The following CBR1 variants were observed in gnomAD, a reference collection of about 807,000 sequenced individuals.
The protein encoded by CBR1 is carbonyl reductase [NADPH] 1.
In CBR1, 11 loss-of-function variants were observed where a neutral mutation model predicts 10.6. That is an observed-to-expected ratio of 1.03 (90% CI 0.65 to 1.71). The LOEUF (loss-of-function observed/expected upper bound fraction) is 1.71. Ranked by LOEUF, CBR1 falls within the 40% of genes most tolerant of loss-of-function variation. CBR1 has a pLI of 0.00. For synonymous variants in CBR1, 158 were observed against 156.7 expected (o/e 1.01, Z -0.06); for missense variants, 361 against 368.6 (o/e 0.98, Z 0.17).
At chr21:36,071,524 A>C in intron 2 of CBR1, 1 of 553,884 alleles carries the variant, frequency 1.8e-6, no homozygotes, top group South Asian at 2.3e-5. Flanking sequence ...CTGCCTTTCC[A>C]TCTCTTCCTG....
rs2065362760 is a variant in CBR1 at position 36,072,757 on chromosome 21, G to C, written c.709G>C (p.Gly237Arg). The change falls in exon 3 of 3, where the codon GGA becomes CGA. Residue 237 changes from glycine to arginine, a missense_variant. Physicochemically the swap from Gly to Arg is moderately radical, Grantham distance 125 (BLOSUM62 -2). Coordinates refer to ENST00000290349, the MANE Select transcript of CBR1 (RefSeq NM_001757.4). Reference protein sequence around the residue: ...CPGWVRTDMAGPKATKSPEEG... With the variant: ...CPGWVRTDMARPKATKSPEEG... ...AGGGTGGGTGAGAACTGACATGGCG[G>C]GACCCAAGGCCACCAAGAGCCCAGA... 1 of 1,614,124 alleles carries C rather than the reference G, an allele frequency of 6.2e-7. No homozygotes were observed. Among genetic ancestry groups the C allele is most frequent in the African/African-American group, 1.3e-5 (1 of 75,028 alleles).
chr21:36,072,638 C>T lies in CBR1; in HGVS notation c.590C>T (p.Thr197Met), dbSNP rs201334038. The T allele has an allele frequency of 3.3e-4, 525 of 1,611,030 alleles. No individual in the cohort carries two copies. Among genetic ancestry groups the T allele is most frequent in the Non-Finnish European group, 4.2e-4 (494 of 1,178,318 alleles). Residue 197 changes from threonine to methionine, a missense_variant, in exon 3 of 3, where the codon ACG (threonine) becomes ATG (methionine). Thr to Met is a moderately conservative substitution (Grantham distance 81, BLOSUM62 -1). Coordinates refer to ENST00000290349, the MANE Select transcript of CBR1 (RefSeq NM_001757.4). Reference protein sequence around the residue: ...EGWPSSAYGVTKIGVTVLSRI... With the variant: ...EGWPSSAYGVMKIGVTVLSRI... Reference sequence around the variant, plus strand: ...TGGCCCAGCAGCGCATACGGGGTGACGAAGATTGGCGTCACCGTTCTGTCC... The same window carrying T: ...TGGCCCAGCAGCGCATACGGGGTGATGAAGATTGGCGTCACCGTTCTGTCC...
intron 1 of CBR1, 159 bp downstream of exon 1, chr21:36,070,563 G>A: frequency 1.4e-6 from 1 of 701,870 alleles, no homozygotes; most frequent in South Asian, 2.5e-5. Context: ...CCAGCCAAAG[G>A]GAACTTTGTG....
In CBR1 at chr21:36,073,078, T is replaced by C. The variant is rs2065365987; in HGVS notation, c.*196T>C. ...CGTAAATCTGTCAGGTCTTTTGTGATTTCCTCTGATGCAGGAGAGGAAAAA... is the reference window on the plus strand; with the variant it reads ...CGTAAATCTGTCAGGTCTTTTGTGACTTCCTCTGATGCAGGAGAGGAAAAA... On this transcript the variant is annotated 3_prime_UTR_variant, in exon 3 of 3. Coordinates refer to ENST00000290349, the MANE Select transcript of CBR1 (RefSeq NM_001757.4). The C allele has an allele frequency of 2.2e-6, 1 of 445,958 alleles. No homozygotes were observed. Among genetic ancestry groups the C allele is most frequent in the Non-Finnish European group, 3.9e-6 (1 of 253,312 alleles). 27.6% of individuals were successfully genotyped at this position (445,958 alleles called of 1,614,324 possible).
chr21:36,070,955 G>C lies in CBR1; in HGVS notation c.295G>C (p.Asp99His). The change falls in exon 2 of 3, where the codon GAT (aspartate) becomes CAT (histidine). Residue 99 changes from aspartate (D) to histidine (H), a missense_variant. Coordinates refer to ENST00000290349, the MANE Select transcript of CBR1 (RefSeq NM_001757.4). ...TTCTCTTTCTCTCCTAAAAGTTGCT[G>C]ATCCCACACCCTTTCATATTCAAGC... ...NNAGIAFKVA[D>H]PTPFHIQAEV... The C allele has an allele frequency of 1.2e-6, 2 of 1,605,840 alleles. No homozygotes were observed. Among genetic ancestry groups the C allele is most frequent in the Non-Finnish European group, 1.7e-6 (2 of 1,176,038 alleles).
Position 36,070,282 on chromosome 21 carries a change from G to A in CBR1, c.167G>A (p.Ser56Asn), listed in dbSNP as rs1418542265. The part of the protein sequence containing the change: ...AVQQLQAEGL[S>N]PRFHQLDIDD... ...CAGCAGCTGCAGGCGGAGGGCCTGA[G>A]CCCGCGCTTCCACCAGCTGGACATC... is the stretch of plus-strand genomic sequence containing the variant. The change falls in exon 1 of 3, where the codon AGC becomes AAC. Residue 56 changes from serine (S) to asparagine (N), a missense_variant. Ser to Asn is a conservative substitution (Grantham distance 46). Coordinates refer to ENST00000290349, the MANE Select transcript of CBR1 (RefSeq NM_001757.4). The A allele has an allele frequency of 2.5e-6, 4 of 1,612,430 alleles. No individual in the cohort carries two copies. The African/African-American group carries it at 4.0e-5, about 16-fold the overall frequency.
Position 36,072,723 on chromosome 21 carries a change from C to A in CBR1, c.675C>A (p.Ala225=). 1 of 1,614,142 alleles carries A rather than the reference C, an allele frequency of 6.2e-7. No homozygotes were observed. The highest frequency in any genetic ancestry group is 1.3e-5 in the African/African-American group (1 of 75,040). Residue 225 remains alanine (A), a synonymous_variant, in exon 3 of 3, where the codon GCC becomes GCA. Transcript: ENST00000290349. Reference sequence around the variant, plus strand: ...AAGGGGACAAGATCCTCCTGAATGCCTGCTGCCCAGGGTGGGTGAGAACTG... The same window carrying A: ...AAGGGGACAAGATCCTCCTGAATGCATGCTGCCCAGGGTGGGTGAGAACTG... ...QRKGDKILLN[A]CCPGWVRTDM...
chr21:36,071,110 T>A (rs892296070), intron 2 of CBR1, 53 bp downstream of exon 2: 1 of 1,223,184 alleles, frequency 8.2e-7, no homozygotes, highest in Non-Finnish European at 1.2e-6. Flanking sequence ...ATTTGGCCCC[T>A]GCTTGCCTGG....
chr21:36,070,025 G>C lies in CBR1; in HGVS notation c.-91G>C, dbSNP rs1200966952. ...CACGGGTGCGCGCCCACGACCGCCA[G>C]ACTCGAGCAGTCTCTGGAACACGCT... is the stretch of plus-strand genomic sequence containing the variant. On this transcript the variant is annotated 5_prime_UTR_variant, in exon 1 of 3. Transcript: ENST00000290349. 4 of 1,382,304 alleles carry C rather than the reference G, an allele frequency of 2.9e-6. No homozygotes were observed. Among genetic ancestry groups the C allele is most frequent in the Non-Finnish European group, 1.9e-6 (2 of 1,061,612 alleles). The allele number at this position is 1,382,304 out of a possible 1,614,324, so 85.6% of individuals were successfully genotyped here.
In CBR1 at chr21:36,072,702, G is replaced by A. The variant is rs1429058232; in HGVS notation, c.654G>A (p.Gly218=). The A allele has an allele frequency of 2.0e-5, 33 of 1,613,988 alleles. No individual in the cohort carries two copies. Among genetic ancestry groups the A allele is most frequent in the Non-Finnish European group, 2.8e-5 (33 of 1,180,028 alleles). The change falls in exon 3 of 3, where the codon GGG becomes GGA. Residue 218 remains glycine, a synonymous_variant. Transcript: ENST00000290349. ...HARKLSEQRK[G]DKILLNACCP... Reference sequence around the variant, plus strand: ...GGAAACTGAGTGAGCAGAGGAAAGGGGACAAGATCCTCCTGAATGCCTGCT... The same window carrying A: ...GGAAACTGAGTGAGCAGAGGAAAGGAGACAAGATCCTCCTGAATGCCTGCT...
rs898966309 is a variant in CBR1 at position 36,072,987 on chromosome 21, G to T, written c.*105G>T. 5.3e-6 allele frequency: 4 copies of T among 753,602 alleles called. No homozygotes were observed. The highest frequency in any genetic ancestry group is 8.3e-6 in the Non-Finnish European group (4 of 479,358). The allele number at this position is 753,602 out of a possible 1,614,324, so 46.7% of individuals were successfully genotyped here. Reference sequence around the variant, plus strand: ...AATATCCTTATATAAGAAAAAAAATGATCTCTTATCAATTAGCACTCACTA... The same window carrying T: ...AATATCCTTATATAAGAAAAAAAATTATCTCTTATCAATTAGCACTCACTA... On this transcript the variant is annotated 3_prime_UTR_variant, in exon 3 of 3. Coordinates refer to ENST00000290349, the MANE Select transcript of CBR1 (RefSeq NM_001757.4).
At chr21:36,071,220 C>G in intron 2 of CBR1, 163 bp downstream of exon 2, 1 of 709,302 alleles carries the variant, frequency 1.4e-6, no homozygotes, top group Non-Finnish European at 2.6e-6. Context: ...TGCCTCAGGA[C>G]TTTGTCCTCA....
At position 36,073,106 on chromosome 21, in the gene CBR1, G is replaced by A. The variant is rs1463832618; in HGVS notation, c.*224G>A. On this transcript the variant is annotated 3_prime_UTR_variant, in exon 3 of 3. Coordinates refer to ENST00000290349, the MANE Select transcript of CBR1 (RefSeq NM_001757.4). ...CCTCTGATGCAGGAGAGGAAAAATT[G>A]TAATTGATGAAAATAATGAATGAAA... 1 of 428,648 alleles carries A rather than the reference G, an allele frequency of 2.3e-6. No homozygotes were observed. The highest frequency in any genetic ancestry group is 5.7e-5 in the South Asian group (1 of 17,688). The allele number at this position is 428,648 out of a possible 1,614,324, so 26.6% of individuals were successfully genotyped here.
At position 36,070,249 on chromosome 21, in the gene CBR1, C is replaced by G; in HGVS notation, c.134C>G (p.Ala45Gly). 6.2e-7 allele frequency: 1 copy of G among 1,610,968 alleles called. No individual in the cohort carries two copies. The highest frequency in any genetic ancestry group is 1.1e-5 in the South Asian group (1 of 91,006). Reference protein sequence around the residue: ...LTARDVTRGQAAVQQLQAEGL... With the variant: ...LTARDVTRGQGAVQQLQAEGL... ...GCGCGGGACGTGACGCGGGGCCAGG[C>G]GGCCGTACAGCAGCTGCAGGCGGAG... is the stretch of plus-strand genomic sequence containing the variant. The change falls in exon 1 of 3, where the codon GCG becomes GGG. Residue 45 changes from alanine to glycine, a missense_variant. By Grantham distance (60) the Ala-to-Gly change is moderately conservative. Transcript: ENST00000290349.
At position 36,070,027 on chromosome 21, in the gene CBR1, C is replaced by A; in HGVS notation, c.-89C>A. The A allele has an allele frequency of 2.2e-6, 3 of 1,379,202 alleles. No individual in the cohort carries two copies. Among genetic ancestry groups the A allele is most frequent in the Non-Finnish European group, 2.8e-6 (3 of 1,059,092 alleles). 85.4% of individuals were successfully genotyped at this position (1,379,202 alleles called of 1,614,324 possible). ...CGGGTGCGCGCCCACGACCGCCAGACTCGAGCAGTCTCTGGAACACGCTGC... is the reference window on the plus strand; with the variant it reads ...CGGGTGCGCGCCCACGACCGCCAGAATCGAGCAGTCTCTGGAACACGCTGC... On this transcript the variant is annotated 5_prime_UTR_variant, in exon 1 of 3. Transcript: ENST00000290349.
chr21:36,072,755 C>T lies in CBR1; in HGVS notation c.707C>T (p.Ala236Val), dbSNP rs867128163. 1.7e-5 allele frequency: 28 copies of T among 1,613,962 alleles called. No individual in the cohort carries two copies. The highest frequency in any genetic ancestry group is 3.3e-5 in the South Asian group (3 of 91,068). The change falls in exon 3 of 3, where the codon GCG becomes GTG. Residue 236 changes from alanine to valine, a missense_variant. Coordinates refer to ENST00000290349, the MANE Select transcript of CBR1 (RefSeq NM_001757.4). ...CCPGWVRTDM[A>V]GPKATKSPEE... ...CCAGGGTGGGTGAGAACTGACATGGCGGGACCCAAGGCCACCAAGAGCCCA... is the reference window on the plus strand; with the variant it reads ...CCAGGGTGGGTGAGAACTGACATGGTGGGACCCAAGGCCACCAAGAGCCCA...
Position 36,070,028 on chromosome 21 carries a change from T to G in CBR1, c.-88T>G. ...GGGTGCGCGCCCACGACCGCCAGAC[T>G]CGAGCAGTCTCTGGAACACGCTGCG... On this transcript the variant is annotated 5_prime_UTR_variant, in exon 1 of 3. Coordinates refer to ENST00000290349, the MANE Select transcript of CBR1 (RefSeq NM_001757.4). 1 of 1,380,788 alleles carries G rather than the reference T, an allele frequency of 7.2e-7. No individual in the cohort carries two copies. Among genetic ancestry groups the G allele is most frequent in the South Asian group, 1.7e-5 (1 of 60,464 alleles). The allele number at this position is 1,380,788 out of a possible 1,614,324, so 85.5% of individuals were successfully genotyped here.
At chr21:36,070,859 T>TTTTTTG (rs2065346705) in intron 1 of CBR1, 91 bp from the exon 2 acceptor site, 5 of 439,024 alleles carry the variant, frequency 1.1e-5, no homozygotes, top group Non-Finnish European at 1.5e-5. Context: ...CTAAGTTTTT[T>TTTTTTG]TTTTTTTTTT....
At chr21:36,071,504 G>A (rs2065351821) in intron 2 of CBR1, 2 of 558,938 alleles carry the variant, frequency 3.6e-6, no homozygotes, top group Non-Finnish European at 6.4e-6. Flanking sequence ...CCAACCACAT[G>A]GTTGTCTTGC....
Sources: allele counts gnomAD v4.1 joint callset, GRCh38; gene constraint gnomAD v4.1.1; transcripts MANE v1.5; gene names NCBI Gene and HGNC (gene_info 2026-07-23, HGNC 2026-07-21).